Variants in LPO observed in about 807,000 individuals in gnomAD.
LPO encodes salivary peroxidase.
LPO carries 70 observed loss-of-function variants against 68.4 expected under a neutral mutation model. The ratio of observed to expected loss-of-function variants is 1.02; its 90% CI spans 0.84 to 1.25. LPO has a LOEUF of 1.25. LPO is among the 50% of genes most tolerant of loss of function. The pLI is 0.00. For synonymous variants in LPO, 360 were observed against 357.6 expected, an observed-to-expected ratio of 1.01 and a Z score of -0.08; for missense variants, 873 against 908.4, an observed-to-expected ratio of 0.96 and a Z score of 0.50.
intron 9 of LPO, among the ~76,000 whole-genome samples, chr17:58,256,442 A>G (rs1211678839): frequency 6.7e-6 from 1 of 149,776 alleles, no homozygotes; most frequent in Non-Finnish European, 1.5e-5. Context: ...TTTTGTGGGT[A>G]CATAGTAGGC....
chr17:58,241,096 G>A (rs1048211952), intron 1 of LPO, among the ~76,000 whole-genome samples: 1 of 129,452 alleles, frequency 7.7e-6, no homozygotes, highest in Admixed American at 7.5e-5. Flanking sequence ...GTGGATTTTT[G>A]TTGTTGTTGT....
intron 8 of LPO, 198 bp from the exon 9 acceptor site, chr17:58,254,613 T>G: frequency 1.9e-6 from 1 of 530,520 alleles, no homozygotes. Context: ...AGCTAAAAAG[T>G]GTGTATATAG....
intron 9 of LPO, among the ~76,000 whole-genome samples, chr17:58,260,190 T>C (rs1970151945): frequency 6.6e-6 from 1 of 152,276 alleles, no homozygotes; most frequent in Non-Finnish European, 1.5e-5. Context: ...TATCAGTGTA[T>C]GAAAATATAA....
In LPO at chr17:58,260,214, G is replaced by A. The variant is rs189390530; in HGVS notation, c.1267-4508G>A. On this transcript the variant is annotated intron_variant, in intron 9 of 12. Coordinates refer to ENST00000262290, the MANE Select transcript of LPO (RefSeq NM_006151.3). ...ATGAAAATATAATTGATTTTTTTAT[G>A]TGTTGATTTTGTATCCTGTGACCTT... Among the ~76,000 whole-genome samples, 281 of 152,284 alleles carry A rather than the reference G, an allele frequency of 1.8e-3. 1 individual carries two copies. Among genetic ancestry groups the A allele is most frequent in the Admixed American group, 2.9e-3 (44 of 15,304 alleles).
In LPO at chr17:58,254,946, G is replaced by T. The variant is rs8178355; in HGVS notation, c.1241G>T (p.Arg414Leu). 6.2e-7 allele frequency: 1 copy of T among 1,613,906 alleles called. No homozygotes were observed. The highest frequency in any genetic ancestry group is 8.5e-7 in the Non-Finnish European group (1 of 1,179,972). Reference protein sequence around the residue: ...WDGEKLYQEARKILGAFVQII... With the variant: ...WDGEKLYQEALKILGAFVQII... ...GGAGAGAAGCTCTACCAGGAAGCCCGGAAAATCCTGGGAGCCTTCGTGCAG... is the reference window on the plus strand; with the variant it reads ...GGAGAGAAGCTCTACCAGGAAGCCCTGAAAATCCTGGGAGCCTTCGTGCAG... The change falls in exon 9 of 13, where the codon CGG becomes CTG. Residue 414 changes from arginine to leucine, a missense_variant. Arg to Leu is a moderately radical substitution (Grantham distance 102). Transcript: ENST00000262290.
At chr17:58,254,127 T>TA (rs1435077176) in intron 8 of LPO, among the ~76,000 whole-genome samples, 7 of 105,722 alleles carry the variant, frequency 6.6e-5, no homozygotes, top group South Asian at 2.9e-4. Context: ...AGATAGATGA[T>TA]GATAGATATA....
chr17:58,241,822 ACCTGATC>A (rs1969765170), intron 1 of LPO, among the ~76,000 whole-genome samples: 1 of 152,190 alleles, frequency 6.6e-6, no homozygotes, highest in East Asian at 1.9e-4. Context: ...GGCTGAAATG[ACCTGATC>A]CATATACAGA....
intron 9 of LPO, among the ~76,000 whole-genome samples, chr17:58,259,906 C>CAGTCT (rs1368162731): frequency 3.7e-4 from 56 of 152,342 alleles, no homozygotes; most frequent in African/African-American, 1.3e-3. Flanking sequence ...ACTGCAACCT[C>CAGTCT]CCGGGTTCAA....
In LPO at chr17:58,267,389, G is replaced by T; in HGVS notation, c.1734G>T (p.Pro578=). The T allele has an allele frequency of 1.2e-6, 2 of 1,614,200 alleles. No individual in the cohort carries two copies. The highest frequency in any genetic ancestry group is 1.6e-4 in the Middle Eastern group (1 of 6,062). ...GAGCCTTCTGTGACCTCTCACAGCC[G>T]CAGACACTAGAGGAGTTGAACACAG... is the stretch of plus-strand genomic sequence containing the variant. The part of the protein sequence containing the change: ...SWRAFCDLSQ[P]QTLEELNTVL... Residue 578 remains proline (P), a synonymous_variant, in exon 12 of 13, where the codon CCG becomes CCT. Coordinates refer to ENST00000262290, the MANE Select transcript of LPO (RefSeq NM_006151.3).
rs754162090 is a variant in LPO, at chr17:58,267,944, T to A, written c.2089T>A (p.Ser697Thr). 6.2e-7 allele frequency: 1 copy of A among 1,614,098 alleles called. No individual in the cohort carries two copies. Among genetic ancestry groups the A allele is most frequent in the Admixed American group, 1.7e-5 (1 of 60,020 alleles). Residue 697 changes from serine to threonine, a missense_variant, in exon 13 of 13, where the codon TCA becomes ACA. Physicochemically the swap from Ser to Thr is moderately conservative, Grantham distance 58. Coordinates refer to ENST00000262290, the MANE Select transcript of LPO (RefSeq NM_006151.3). The part of the protein sequence containing the change: ...NSYPYDFVDC[S>T]AIDKLDLSPW... ...CTACCCCTATGACTTCGTGGATTGC[T>A]CAGCCATCGACAAGCTGGACCTGTC...
At chr17:58,262,152 A>G (rs8178386) in intron 9 of LPO, among the ~76,000 whole-genome samples, 5,995 of 152,006 alleles carry the variant, frequency 0.039, 393 homozygotes, top group African/African-American at 0.14. Flanking sequence ...ACCATTCTTC[A>G]TGTTTAGAGA....
chr17:58,246,745 C>G (rs1312917722), intron 3 of LPO, among the ~76,000 whole-genome samples: 1 of 152,202 alleles, frequency 6.6e-6, no homozygotes, highest in Non-Finnish European at 1.5e-5. Flanking sequence ...CAGTGATGCT[C>G]ACACACGTGA....
intron 1 of LPO, among the ~76,000 whole-genome samples, chr17:58,242,248 G>A (rs992707873): frequency 1.3e-5 from 2 of 152,240 alleles, no homozygotes; most frequent in Non-Finnish European, 2.9e-5. Context: ...TTTGCATTCA[G>A]AGTTAAAGCT....
chr17:58,254,947 G>A lies in LPO; in HGVS notation c.1242G>A (p.Arg414=). ...GAGAGAAGCTCTACCAGGAAGCCCGGAAAATCCTGGGAGCCTTCGTGCAGG... is the reference window on the plus strand; with the variant it reads ...GAGAGAAGCTCTACCAGGAAGCCCGAAAAATCCTGGGAGCCTTCGTGCAGG... The part of the protein sequence containing the change: ...WDGEKLYQEA[R]KILGAFVQII... Residue 414 remains arginine (R), a synonymous_variant, in exon 9 of 13, where the codon CGG becomes CGA. Coordinates refer to ENST00000262290, the MANE Select transcript of LPO (RefSeq NM_006151.3). The A allele has an allele frequency of 6.2e-7, 1 of 1,614,058 alleles. No individual in the cohort carries two copies. The highest frequency in any genetic ancestry group is 8.5e-7 in the Non-Finnish European group (1 of 1,179,984).
At chr17:58,254,698 C>CGGGGCGGGG in intron 8 of LPO, 113 bp from the exon 9 acceptor site, 2 of 874,056 alleles carry the variant, frequency 2.3e-6, no homozygotes, top group Non-Finnish European at 1.6e-6. Flanking sequence ...GGCTTGTTGA[C>CGGGGCGGGG]GGGGCGGGGG....
At position 58,252,204 on chromosome 17, in the gene LPO, CG is replaced by C; in HGVS notation, c.807del (p.Thr270LeufsTer31). On this transcript the variant is annotated frameshift_variant, in exon 8 of 13. Coordinates refer to ENST00000262290, the MANE Select transcript of LPO (RefSeq NM_006151.3). LOFTEE classifies it high-confidence loss of function. ...PIMFPPNDPK[A>X]GTQGKCMPFF... The stretch of plus-strand genomic sequence containing the variant: ...CAGTTCCCACCCAATGACCCCAAGG[CG>C]GGGACTCAAGGGAAATGCATGCCTT... 6.2e-7 allele frequency: 1 copy of C among 1,614,086 alleles called. No homozygotes were observed. Among genetic ancestry groups the C allele is most frequent in the East Asian group, 2.2e-5 (1 of 44,880 alleles).
intron 1 of LPO, among the ~76,000 whole-genome samples, chr17:58,241,051 A>G (rs1598017401): frequency 6.6e-6 from 1 of 151,452 alleles, no homozygotes; most frequent in East Asian, 2.0e-4. Flanking sequence ...AGTACTGTAG[A>G]GTTTAAATGA....
intron 8 of LPO, 108 bp from the exon 9 acceptor site, chr17:58,254,703 C>T (rs1264925580): frequency 1.3e-4 from 113 of 886,534 alleles, no homozygotes; most frequent in South Asian, 8.0e-4. Context: ...GTTGACGGGG[C>T]GGGGGGGGCG....
intron 9 of LPO, among the ~76,000 whole-genome samples, chr17:58,258,748 AT>A (rs1168261339): frequency 6.6e-6 from 1 of 152,174 alleles, no homozygotes; most frequent in African/African-American, 2.4e-5. Flanking sequence ...TGTCACCACC[AT>A]TTTTTGTTTT....
Sources: allele counts gnomAD v4.1 joint callset (sites outside exome capture counted in the v4.1 genomes callset), GRCh38; gene constraint gnomAD v4.1.1; transcripts MANE v1.5; gene names NCBI Gene and HGNC (gene_info 2026-07-23, HGNC 2026-07-21).